MACROD2: variants seen among roughly 807,000 people sequenced by gnomAD.
MACROD2 encodes mono-ADP ribosylhydrolase 2.
Under a neutral mutation model 70.4 loss-of-function variants are expected in MACROD2, and 36 were observed. That is an observed-to-expected ratio of 0.51 (90% confidence interval 0.39 to 0.68). The LOEUF (loss-of-function observed/expected upper bound fraction) is 0.68. Among genes scored for constraint, MACROD2 ranks in the 30% least tolerant of loss-of-function variants. The probability of loss-of-function intolerance (pLI) is 0.00; values close to 1 mark genes in which losing one functional copy is unlikely to be tolerated. For synonymous variants in MACROD2, 172 were observed against 178.8 expected (o/e 0.96, Z 0.30); for missense variants, 496 against 538.4 (o/e 0.92, Z 0.78).
chr20:15,551,517 A>G lies in MACROD2; in HGVS notation c.645+51670A>G, dbSNP rs118154926. On this transcript the variant is annotated intron_variant, in intron 8 of 17. Transcript: ENST00000684519. ...GTGCTCACGTTTTGTGTATGTTGGTATTTTTATTCTTCAGTTTTACAGATG... is the reference window on the plus strand; with the variant it reads ...GTGCTCACGTTTTGTGTATGTTGGTGTTTTTATTCTTCAGTTTTACAGATG... Among the ~76,000 whole-genome samples the G allele has an allele frequency of 2.6e-3, 396 of 152,220 alleles. 9 individuals are homozygous for G. In the East Asian group the frequency reaches 0.05, roughly 19 times the overall value.
At chr20:15,049,254 C>T (rs2075419800) in intron 5 of MACROD2, among the ~76,000 whole-genome samples, 1 of 149,360 alleles carries the variant, frequency 6.7e-6, no homozygotes, top group Non-Finnish European at 1.5e-5. Flanking sequence ...TAAGGAAAAG[C>T]ATTGCAAGGA....
chr20:14,737,128 G>C (rs1192854680), intron 5 of MACROD2, among the ~76,000 whole-genome samples: 3 of 151,946 alleles, frequency 2.0e-5, no homozygotes, highest in Non-Finnish European at 4.4e-5. Flanking sequence ...AACAGGCCCT[G>C]GTGTGTGTTG....
At chr20:15,229,866 AT>A in intron 5 of MACROD2, 73 bp from the exon 6 acceptor site, 1 of 1,400,476 alleles carries the variant, frequency 7.1e-7, no homozygotes, top group Non-Finnish European at 9.5e-7. Context: ...CCTAAAATAA[AT>A]AAAGTATTAA....
intron 5 of MACROD2, among the ~76,000 whole-genome samples, chr20:14,775,636 A>G (rs2072224529): frequency 6.6e-6 from 1 of 151,958 alleles, no homozygotes; most frequent in Admixed American, 6.6e-5. Flanking sequence ...TGGGGGTCAC[A>G]TTTCAACATG....
intron 6 of MACROD2, among the ~76,000 whole-genome samples, chr20:15,335,518 T>C (rs1029104776): frequency 6.6e-6 from 1 of 151,650 alleles, no homozygotes; most frequent in African/African-American, 2.4e-5. Flanking sequence ...ATTTTATTGT[T>C]TTGTGTTAAT....
intron 5 of MACROD2, among the ~76,000 whole-genome samples, chr20:14,949,915 C>CA (rs1376309212): frequency 6.6e-6 from 1 of 152,062 alleles, no homozygotes; most frequent in African/African-American, 2.4e-5. Flanking sequence ...TCAAAGAAAC[C>CA]AAAAAACTTG....
chr20:14,855,598 T>TTG (rs2073245631), intron 5 of MACROD2, among the ~76,000 whole-genome samples: 1 of 6,742 alleles, frequency 1.5e-4, no homozygotes, highest in African/African-American at 4.4e-4. Flanking sequence ...TCCTACCAAG[T>TTG]TTTTTTTTTT....
intron 3 of MACROD2, among the ~76,000 whole-genome samples, chr20:14,118,837 C>A (rs991460353): frequency 6.8e-5 from 10 of 147,680 alleles, no homozygotes; most frequent in African/African-American, 1.7e-4. Context: ...ACTTTAGTGA[C>A]TGTGATTTTT....
rs2048498317 is a variant in MACROD2 at position 15,579,717 on chromosome 20, T to G, written c.645+79870T>G. ...ATGCAATGCATACAGTGTAGTCAGA[T>G]TTCATGGAAGTCACCTAGTGTAGAG... is the stretch of plus-strand genomic sequence containing the variant. On this transcript the variant is annotated intron_variant, in intron 8 of 17. Coordinates refer to ENST00000684519, the MANE Select transcript of MACROD2 (RefSeq NM_001351661.2). Among the ~76,000 whole-genome samples the G allele has an allele frequency of 2.0e-5, 3 of 152,220 alleles. No homozygotes were observed. The South Asian group carries it at 6.2e-4, about 31-fold the overall frequency.
chr20:15,009,900 T>C (rs1305613085), intron 5 of MACROD2, among the ~76,000 whole-genome samples: 2 of 152,108 alleles, frequency 1.3e-5, no homozygotes, highest in Non-Finnish European at 2.9e-5. Flanking sequence ...TTCTCTCTTC[T>C]TTCCCAGATA....
chr20:14,120,910 G>GT (rs2054579924), intron 3 of MACROD2, among the ~76,000 whole-genome samples: 1 of 151,160 alleles, frequency 6.6e-6, no homozygotes, highest in Non-Finnish European at 1.5e-5. Flanking sequence ...CCTGTTATGG[G>GT]TGGGGGGTGA....
chr20:14,375,156 T>A (rs977775708), intron 3 of MACROD2, among the ~76,000 whole-genome samples: 1 of 152,080 alleles, frequency 6.6e-6, no homozygotes, highest in African/African-American at 2.4e-5. Context: ...AAAATTCAAA[T>A]GTTATTTTTT....
At chr20:15,774,648 G>A (rs1442558752) in intron 8 of MACROD2, among the ~76,000 whole-genome samples, 1 of 152,118 alleles carries the variant, frequency 6.6e-6, no homozygotes, top group Non-Finnish European at 1.5e-5. Flanking sequence ...GCACTGGCCA[G>A]GGAGGGGGAG....
chr20:15,281,480 A>G (rs1401345749), intron 6 of MACROD2, among the ~76,000 whole-genome samples: 1 of 152,170 alleles, frequency 6.6e-6, no homozygotes, highest in African/African-American at 2.4e-5. Context: ...ACCCATTCCA[A>G]ATGGGAGAAA....
At chr20:15,995,917 G>A (rs2066625464) in intron 15 of MACROD2, among the ~76,000 whole-genome samples, 1 of 151,260 alleles carries the variant, frequency 6.6e-6, no homozygotes, top group Non-Finnish European at 1.5e-5. Context: ...TGCATCTATG[G>A]GCACTTAGGT....
intron 3 of MACROD2, among the ~76,000 whole-genome samples, chr20:14,253,991 A>T (rs989232843): frequency 1.3e-5 from 2 of 152,032 alleles, no homozygotes; most frequent in Non-Finnish European, 2.9e-5. Context: ...AAGCAAATAG[A>T]TTTCTAAATG....
rs954358487 is a variant in MACROD2, at chr20:15,959,619, T to A, written c.908-7934T>A. On this transcript the variant is annotated intron_variant, in intron 12 of 17. Transcript: ENST00000684519. ...ATATTGGCTCACCGCAACCTCCGCC[T>A]CCTGGGTTCAAGCGATTCTCCTGTC... is the stretch of plus-strand genomic sequence containing the variant. Among the ~76,000 whole-genome samples, 11 of 152,340 alleles carry A rather than the reference T, an allele frequency of 7.2e-5. No individual in the cohort carries two copies. The East Asian group carries it at 2.1e-3, about 29-fold the overall frequency.
intron 8 of MACROD2, among the ~76,000 whole-genome samples, chr20:15,687,611 C>A (rs902134991): frequency 2.6e-5 from 4 of 152,114 alleles, no homozygotes; most frequent in Non-Finnish European, 5.9e-5. Flanking sequence ...TTGGCCAGTG[C>A]TCCCTGGGAC....
At chr20:14,677,213 G>A (rs1456980270) in intron 4 of MACROD2, among the ~76,000 whole-genome samples, 3 of 152,110 alleles carry the variant, frequency 2.0e-5, no homozygotes, top group Non-Finnish European at 4.4e-5. Context: ...AAAAATTGAG[G>A]TGTTTTCATG....
Sources: allele counts gnomAD v4.1 joint callset (sites outside exome capture counted in the v4.1 genomes callset), GRCh38; gene constraint gnomAD v4.1.1; transcripts MANE v1.5; gene names NCBI Gene and HGNC (gene_info 2026-07-23, HGNC 2026-07-21).